The following BICD1 variants were observed in gnomAD, a reference collection of about 807,000 sequenced individuals.
BICD1 encodes BICD cargo adaptor 1, also known as protein bicaudal D homolog 1.
A neutral mutation model predicts 92.5 loss-of-function variants in BICD1; 35 were observed. That is an observed-to-expected ratio of 0.38 (90% CI 0.29 to 0.50). BICD1 has a LOEUF of 0.50. BICD1 is among the 20% of genes least tolerant of loss of function. The pLI is 0.93. For missense variants in BICD1, 950 were observed against 1,189.8 expected, an observed-to-expected ratio of 0.80 and a Z score of 2.97; for synonymous variants, 429 against 465.1, an observed-to-expected ratio of 0.92 and a Z score of 1.00.
At position 32,108,704 on chromosome 12, in the gene BICD1, T is replaced by A. The variant is rs771176427; in HGVS notation, c.213+1160T>A. The A allele has an allele frequency of 2.7e-5, 19 of 693,838 alleles. No individual in the cohort carries two copies. In the South Asian group the frequency reaches 2.9e-4, roughly 11 times the overall value. 43.0% of individuals were successfully genotyped at this position (693,838 alleles called of 1,614,324 possible). A position where few individuals can be genotyped will look rare whatever the true frequency, so the allele number is the denominator to read the frequency against. On this transcript the variant is annotated intron_variant, in intron 1 of 9. Transcript: ENST00000652176. Reference sequence around the variant, plus strand: ...TTGCCTTCCAATTTAGTGTGTAATATGGTAAGCATTTATACTTTTAGATAT... The same window carrying A: ...TTGCCTTCCAATTTAGTGTGTAATAAGGTAAGCATTTATACTTTTAGATAT...
In BICD1 at chr12:32,303,717, G is replaced by A. The variant is rs1948129081; in HGVS notation, c.580-1980G>A. ...CAGAGGAAGAGCCTGGCTCCTGGATGACCTCATGGAGCAGAGATTCCATGA... is the reference window on the plus strand; with the variant it reads ...CAGAGGAAGAGCCTGGCTCCTGGATAACCTCATGGAGCAGAGATTCCATGA... On this transcript the variant is annotated intron_variant, in intron 3 of 9. Coordinates refer to ENST00000652176, the MANE Select transcript of BICD1 (RefSeq NM_001714.4). 2.0e-5 allele frequency among the ~76,000 whole-genome samples: 3 copies of A among 152,284 alleles called. No individual in the cohort carries two copies. The South Asian group carries it at 6.2e-4, about 32-fold the overall frequency.
intron 2 of BICD1, among the ~76,000 whole-genome samples, chr12:32,268,418 A>T (rs1410222314): frequency 6.6e-6 from 1 of 152,210 alleles, no homozygotes; most frequent in Non-Finnish European, 1.5e-5. Flanking sequence ...GCCCATCGTA[A>T]AAAAGAAATA....
chr12:32,375,153 C>T (rs1403480072), intron 9 of BICD1, among the ~76,000 whole-genome samples: 1 of 150,940 alleles, frequency 6.6e-6, no homozygotes, highest in Non-Finnish European at 1.5e-5. Context: ...TCTCTATCTC[C>T]TGAGCTCATG....
At chr12:32,376,391 GTCAAATTT>G (rs1363583156) in intron 9 of BICD1, among the ~76,000 whole-genome samples, 4 of 151,932 alleles carry the variant, frequency 2.6e-5, no homozygotes, top group Non-Finnish European at 5.9e-5. Context: ...CCGGCCGCTA[GTCAAATTT>G]TAAAAGGCCC....
intron 1 of BICD1, among the ~76,000 whole-genome samples, chr12:32,134,580 T>C (rs1306371443): frequency 6.6e-6 from 1 of 152,180 alleles, no homozygotes; most frequent in African/African-American, 2.4e-5. Flanking sequence ...TCATGATGCT[T>C]AAGCAGAGCC....
rs985073106 is a variant in BICD1, at chr12:32,238,834, C to T, written c.426+22375C>T. The stretch of plus-strand genomic sequence containing the variant: ...GGTGGCACGCCTGTAATCCCAGCTA[C>T]TTGGGAGGCTGAGGCAGGAGAATCG... On this transcript the variant is annotated intron_variant, in intron 2 of 9. Coordinates refer to ENST00000652176, the MANE Select transcript of BICD1 (RefSeq NM_001714.4). 8.0e-5 allele frequency among the ~76,000 whole-genome samples: 12 copies of T among 150,256 alleles called. No homozygotes were observed. In the South Asian group the frequency reaches 2.5e-3, roughly 32 times the overall value.
intron 2 of BICD1, among the ~76,000 whole-genome samples, chr12:32,254,047 C>T (rs926339201): frequency 1.6e-5 from 1 of 63,580 alleles, no homozygotes; most frequent in Non-Finnish European, 4.3e-5. Context: ...TCCCACCTGC[C>T]GTATTCACTG....
chr12:32,276,909 T>C (rs1421982429), intron 2 of BICD1, among the ~76,000 whole-genome samples: 1 of 152,224 alleles, frequency 6.6e-6, no homozygotes, highest in Admixed American at 6.5e-5. Context: ...AAAAATGACC[T>C]CTTATTCAAG....
chr12:32,145,237 A>G (rs561074154), intron 1 of BICD1, among the ~76,000 whole-genome samples: 4 of 152,334 alleles, frequency 2.6e-5, no homozygotes, highest in African/African-American at 7.2e-5. Context: ...GCCCATAGCC[A>G]TACATCACAG....
intron 1 of BICD1, among the ~76,000 whole-genome samples, chr12:32,158,116 T>C (rs1356116562): frequency 2.0e-5 from 3 of 150,654 alleles, no homozygotes; most frequent in Non-Finnish European, 3.0e-5. Context: ...CTTTTTTTTT[T>C]TTTTTTGAGA....
At chr12:32,230,323 C>T (rs564881414) in intron 2 of BICD1, among the ~76,000 whole-genome samples, 1 of 151,772 alleles carries the variant, frequency 6.6e-6, no homozygotes, top group East Asian at 1.9e-4. Context: ...TTGCTTGAGC[C>T]CAGGAGGTCA....
intron 9 of BICD1, among the ~76,000 whole-genome samples, chr12:32,374,479 T>C (rs1022931479): frequency 1.3e-5 from 2 of 151,794 alleles, no homozygotes; most frequent in Non-Finnish European, 2.9e-5. Context: ...TAACCTGCTG[T>C]TTACCAGGCC....
chr12:32,145,552 A>G (rs1295096256), intron 1 of BICD1, among the ~76,000 whole-genome samples: 1 of 152,212 alleles, frequency 6.6e-6, no homozygotes, highest in Non-Finnish European at 1.5e-5. Context: ...TAATTACAAT[A>G]TGTTACTATT....
At chr12:32,201,681 C>T (rs1391572252) in intron 1 of BICD1, among the ~76,000 whole-genome samples, 2 of 149,972 alleles carry the variant, frequency 1.3e-5, no homozygotes, top group Non-Finnish European at 3.0e-5. Context: ...TGGCCAAGAC[C>T]CAGAAAAAAA....
intron 2 of BICD1, among the ~76,000 whole-genome samples, chr12:32,250,144 C>T (rs555907326): frequency 1.2e-4 from 19 of 152,176 alleles, no homozygotes; most frequent in African/African-American, 4.3e-4. Flanking sequence ...TCTGTTTAGA[C>T]GTTGAGTTAA....
intron 1 of BICD1, among the ~76,000 whole-genome samples, chr12:32,171,940 T>TACACACAC (rs61038844): frequency 6.4e-4 from 90 of 141,090 alleles, no homozygotes; most frequent in African/African-American, 2.2e-3. Flanking sequence ...TCTCAAAAAA[T>TACACACAC]ACACACACAC....
At chr12:32,233,322 T>TAAAAAAAAAAA (rs1555152907) in intron 2 of BICD1, among the ~76,000 whole-genome samples, 11 of 127,084 alleles carry the variant, frequency 8.7e-5, no homozygotes, top group East Asian at 2.3e-4. Context: ...AGTCTGTCTT[T>TAAAAAAAAAAA]AAAAAAAAAA....
At chr12:32,247,993 G>A (rs532876724) in intron 2 of BICD1, among the ~76,000 whole-genome samples, 3 of 147,572 alleles carry the variant, frequency 2.0e-5, no homozygotes, top group Admixed American at 6.8e-5. Context: ...TGAGGCAGGA[G>A]AATTGCTTGA....
At position 32,382,648 on chromosome 12, in the gene BICD1, T is replaced by C. The variant is rs1317620923; in HGVS notation, c.*5021T>C. On this transcript the variant is annotated 3_prime_UTR_variant, in exon 10 of 10. Coordinates refer to ENST00000652176, the MANE Select transcript of BICD1 (RefSeq NM_001714.4). ...ATTCCTGTGATTGGAGTTTAATTGCTGTAGAACACTTGTTGAGAACACATT... is the reference window on the plus strand; with the variant it reads ...ATTCCTGTGATTGGAGTTTAATTGCCGTAGAACACTTGTTGAGAACACATT... The C allele has an allele frequency of 4.6e-5, 7 of 152,084 alleles. No individual in the cohort carries two copies. Among genetic ancestry groups the C allele is most frequent in the Non-Finnish European group, 7.4e-5 (5 of 67,940 alleles). The allele number at this position is 152,084 out of a possible 1,614,324, so 9.4% of individuals were successfully genotyped here. A position where few individuals can be genotyped will look rare whatever the true frequency, so the allele number is the denominator to read the frequency against.
Sources: allele counts gnomAD v4.1 joint callset (sites outside exome capture counted in the v4.1 genomes callset), GRCh38; gene constraint gnomAD v4.1.1; transcripts MANE v1.5; gene names NCBI Gene and HGNC (gene_info 2026-07-23, HGNC 2026-07-21).